PSIP1: variants seen among roughly 807,000 people sequenced by gnomAD.
PSIP1 encodes PC4 and SRSF1 interacting protein 1.
In PSIP1, 19 loss-of-function variants were observed where a neutral mutation model predicts 74.7. The observed-to-expected ratio is 0.25, with a 90% CI of 0.18 to 0.37. PSIP1 has a LOEUF of 0.37. Among genes scored for constraint, PSIP1 ranks in the 10% least tolerant of loss-of-function variants. The pLI is 1.00. For synonymous variants in PSIP1, 222 were observed against 195.3 expected (o/e 1.14, Z -1.14); for missense variants, 601 against 614.3 (o/e 0.98, Z 0.23).
chr9:15,496,382 T>C (rs943075925), intron 3 of PSIP1, among the ~76,000 whole-genome samples: 1 of 152,204 alleles, frequency 6.6e-6, no homozygotes, highest in Non-Finnish European at 1.5e-5. Context: ...CATTCCTGCT[T>C]TCTTTGTGAC....
chr9:15,498,700 G>A (rs1294873912), intron 3 of PSIP1, among the ~76,000 whole-genome samples: 2 of 151,892 alleles, frequency 1.3e-5, no homozygotes, highest in African/African-American at 2.4e-5. Flanking sequence ...GTAAATGCAG[G>A]ATATAATTAT....
At chr9:15,465,613 T>C (rs1260736108) in intron 15 of PSIP1, 33 bp from the exon 16 acceptor site, 3 of 1,499,930 alleles carry the variant, frequency 2.0e-6, no homozygotes, top group Non-Finnish European at 2.7e-6. Flanking sequence ...CAACTGGAAT[T>C]AGGATTTTCT....
At chr9:15,482,856 C>T (rs1161807230) in intron 6 of PSIP1, among the ~76,000 whole-genome samples, 2 of 152,162 alleles carry the variant, frequency 1.3e-5, no homozygotes, top group Non-Finnish European at 2.9e-5. Flanking sequence ...AGTTTCTGTC[C>T]TTACCATTCA....
intron 8 of PSIP1, among the ~76,000 whole-genome samples, chr9:15,475,031 G>C (rs969156754): frequency 6.6e-6 from 1 of 152,076 alleles, no homozygotes; most frequent in Non-Finnish European, 1.5e-5. Context: ...ATGAGAAAAT[G>C]ATGATGCAAA....
At chr9:15,493,572 C>A (rs960726934) in intron 3 of PSIP1, among the ~76,000 whole-genome samples, 5 of 152,134 alleles carry the variant, frequency 3.3e-5, no homozygotes, top group African/African-American at 1.2e-4. Flanking sequence ...TCTCACACTG[C>A]TATGAGGAAA....
chr9:15,477,101 G>A (rs2036121257), intron 8 of PSIP1, among the ~76,000 whole-genome samples: 1 of 152,152 alleles, frequency 6.6e-6, no homozygotes, highest in Non-Finnish European at 1.5e-5. Flanking sequence ...TATTTTCCCA[G>A]CAGAATTTCA....
chr9:15,487,451 C>A (rs746909798), intron 4 of PSIP1, among the ~76,000 whole-genome samples: 4 of 151,660 alleles, frequency 2.6e-5, no homozygotes, highest in Non-Finnish European at 2.9e-5. Flanking sequence ...AAAAATTAGC[C>A]AGGCATGGTG....
intron 3 of PSIP1, among the ~76,000 whole-genome samples, chr9:15,504,805 T>C (rs1332934471): frequency 1.3e-5 from 2 of 151,924 alleles, no homozygotes; most frequent in Admixed American, 6.6e-5. Context: ...TTTAAGCTTA[T>C]AAAACTGAAA....
At chr9:15,501,868 A>AT (rs1563897855) in intron 3 of PSIP1, among the ~76,000 whole-genome samples, 2 of 110,454 alleles carry the variant, frequency 1.8e-5, no homozygotes, top group East Asian at 4.7e-4. Context: ...TATATATATA[A>AT]AACGCACACC....
intron 15 of PSIP1, among the ~76,000 whole-genome samples, chr9:15,466,521 A>G (rs932019691): frequency 6.6e-6 from 1 of 152,224 alleles, no homozygotes; most frequent in African/African-American, 2.4e-5. Context: ...TTTTCTTTTT[A>G]ACTGGGTTCC....
At chr9:15,499,602 G>A (rs1302887429) in intron 3 of PSIP1, among the ~76,000 whole-genome samples, 5 of 152,098 alleles carry the variant, frequency 3.3e-5, no homozygotes, top group East Asian at 1.9e-4. Flanking sequence ...GGCCAGGCAC[G>A]GTGGCTCATG....
Position 15,501,392 on chromosome 9 carries a change from A to T in PSIP1, c.149+5169T>A, listed in dbSNP as rs913162358. Among the ~76,000 whole-genome samples the T allele has an allele frequency of 2.0e-5, 3 of 147,480 alleles. No individual in the cohort carries two copies. The East Asian group carries it at 5.8e-4, about 28-fold the overall frequency. On this transcript the variant is annotated intron_variant, in intron 3 of 15. Transcript: ENST00000380733. ...CGAGTGTGGGTGAAAAAAAGAGAAA[A>T]GGGGAAAAAAAAAAATTCAGTCACT...
intron 11 of PSIP1, 60 bp downstream of exon 11, chr9:15,469,878 G>A: frequency 1.4e-6 from 2 of 1,383,188 alleles, no homozygotes; most frequent in Non-Finnish European, 2.0e-6. Context: ...GAAAAGTTAT[G>A]TCTATATAAC....
intron 2 of PSIP1, among the ~76,000 whole-genome samples, chr9:15,506,987 C>G (rs2037621007): frequency 6.6e-6 from 1 of 152,158 alleles, no homozygotes; most frequent in African/African-American, 2.4e-5. Flanking sequence ...TCCTAAAATC[C>G]CAGAATTCTG....
At chr9:15,485,974 G>A in intron 6 of PSIP1, 32 bp downstream of exon 6, 2 of 1,542,710 alleles carry the variant, frequency 1.3e-6, no homozygotes, top group South Asian at 1.2e-5. Context: ...ATTCTTTTCA[G>A]ATCCCCATGG....
At chr9:15,479,739 G>C (rs780173141) in intron 6 of PSIP1, 52 bp from the exon 7 acceptor site, 2 of 1,450,834 alleles carry the variant, frequency 1.4e-6, no homozygotes, top group Non-Finnish European at 1.9e-6. Flanking sequence ...GGCACTCAAA[G>C]TTTAATTCGA....
At position 15,486,041 on chromosome 9, in the gene PSIP1, T is replaced by A. The variant is rs549398356; in HGVS notation, c.421A>T (p.Thr141Ser). Reference sequence around the variant, plus strand: ...CTCCCCCTTCTGGCAGCTTTTGGAGTAGTTATGTCAACTGCTTTAGTCACA... The same window carrying A: ...CTCCCCCTTCTGGCAGCTTTTGGAGAAGTTATGTCAACTGCTTTAGTCACA... Reference protein sequence around the residue: ...EDVTKAVDITTPKAARRGRKR... With the variant: ...EDVTKAVDITSPKAARRGRKR... The change falls in exon 6 of 16, where the codon ACT becomes TCT. Residue 141 changes from threonine (T) to serine (S), a missense_variant. Thr to Ser is a moderately conservative substitution (Grantham distance 58). Around this residue, in one of 2 missense-constraint regions of PSIP1, gnomAD observed 538 missense variants for 507.6 expected, o/e 1.06. Coordinates refer to ENST00000380733, the MANE Select transcript of PSIP1 (RefSeq NM_033222.5). 2 of 1,609,754 alleles carry A rather than the reference T, an allele frequency of 1.2e-6. No homozygotes were observed. Among genetic ancestry groups the A allele is most frequent in the Non-Finnish European group, 1.7e-6 (2 of 1,176,626 alleles).
intron 3 of PSIP1, 87 bp downstream of exon 3, chr9:15,506,474 T>G: frequency 1.0e-6 from 1 of 952,650 alleles, no homozygotes; most frequent in Non-Finnish European, 1.6e-6. Flanking sequence ...TCCTATTACG[T>G]TACGATTTCC....
intron 3 of PSIP1, among the ~76,000 whole-genome samples, chr9:15,499,873 C>T (rs1431820210): frequency 7.2e-6 from 1 of 138,008 alleles, no homozygotes. Flanking sequence ...GAGACTCTGT[C>T]TCAAAAAAAA....
Sources: gnomAD v4.1 joint callset for allele counts (sites outside exome capture counted in the v4.1 genomes callset) on GRCh38, gnomAD v4.1.1 for gene constraint, gnomAD v4.1.1 regional missense constraint, MANE v1.5 for transcripts, NCBI Gene and HGNC (gene_info 2026-07-23, HGNC 2026-07-21) for gene names.